The following CHN2 variants were observed in gnomAD, a reference collection of about 807,000 sequenced individuals.
CHN2 encodes the protein beta-chimaerin.
Under a neutral mutation model 56.3 loss-of-function variants are expected in CHN2, and 35 were observed. The observed-to-expected ratio is 0.62, with a 90% confidence interval of 0.47 to 0.82. The LOEUF is 0.82. CHN2 is among the 40% of genes least tolerant of loss of function. The probability of loss-of-function intolerance (pLI) is 0.00; values close to 1 mark genes in which losing one functional copy is unlikely to be tolerated. For missense variants in CHN2, 491 were observed against 580.5 expected, an observed-to-expected ratio of 0.85 and a Z score of 1.58; for synonymous variants, 210 against 212.8, an observed-to-expected ratio of 0.99 and a Z score of 0.12.
intron 1 of CHN2, among the ~76,000 whole-genome samples, chr7:29,316,205 TAAAAAC>T (rs1794944003): frequency 6.6e-6 from 1 of 152,222 alleles, no homozygotes; most frequent in South Asian, 2.1e-4. Flanking sequence ...GTTCAGCACA[TAAAAAC>T]AAATTCCCAT....
At chr7:29,311,564 A>G (rs912836153) in intron 1 of CHN2, among the ~76,000 whole-genome samples, 1 of 152,228 alleles carries the variant, frequency 6.6e-6, no homozygotes, top group South Asian at 2.1e-4. Flanking sequence ...GATAGGGACT[A>G]ATAAGATTCA....
intron 1 of CHN2, among the ~76,000 whole-genome samples, chr7:29,249,409 C>T (rs1046328470): frequency 6.6e-5 from 10 of 152,210 alleles, no homozygotes; most frequent in African/African-American, 2.4e-4. Flanking sequence ...TTGTTCTTTC[C>T]AGACCCCCAG....
chr7:29,488,566 G>T (rs533164693), intron 7 of CHN2, among the ~76,000 whole-genome samples: 1 of 152,256 alleles, frequency 6.6e-6, no homozygotes, highest in African/African-American at 2.4e-5. Flanking sequence ...CTGACCCGAA[G>T]ATTCCTTTTC....
intron 6 of CHN2, among the ~76,000 whole-genome samples, chr7:29,462,005 C>T (rs1785205350): frequency 6.6e-6 from 1 of 152,112 alleles, no homozygotes; most frequent in Admixed American, 6.5e-5. Context: ...TATAAATTCC[C>T]ATTCATTTAA....
intron 6 of CHN2, among the ~76,000 whole-genome samples, chr7:29,401,864 C>G (rs1174669264): frequency 1.3e-5 from 2 of 152,078 alleles, no homozygotes; most frequent in East Asian, 3.9e-4. Flanking sequence ...GGGATGTGCC[C>G]CTTGAGGGAC....
At chr7:29,345,635 C>A (rs1797375393) in intron 1 of CHN2, among the ~76,000 whole-genome samples, 1 of 152,076 alleles carries the variant, frequency 6.6e-6, no homozygotes, top group African/African-American at 2.4e-5. Context: ...GACCGGGGGC[C>A]AGATCGTGCA....
chr7:29,283,969 C>G (rs1791941215), intron 1 of CHN2, among the ~76,000 whole-genome samples: 1 of 122,818 alleles, frequency 8.1e-6, no homozygotes, highest in African/African-American at 3.2e-5. Flanking sequence ...CAGTCTCACT[C>G]TGGAGTGGCT....
intron 3 of CHN2, among the ~76,000 whole-genome samples, chr7:29,386,419 G>A (rs950599308): frequency 2.6e-5 from 4 of 152,052 alleles, no homozygotes; most frequent in East Asian, 1.9e-4. Flanking sequence ...CTGCTAAGTC[G>A]GGTTTTTAAA....
chr7:29,413,408 T>C (rs990247910), intron 6 of CHN2, among the ~76,000 whole-genome samples: 2 of 152,242 alleles, frequency 1.3e-5, no homozygotes, highest in Non-Finnish European at 2.9e-5. Context: ...AAAGCAGTTA[T>C]ATTTTACCAC....
intron 1 of CHN2, among the ~76,000 whole-genome samples, chr7:29,332,299 C>T (rs776916759): frequency 6.6e-6 from 1 of 152,076 alleles, no homozygotes; most frequent in Non-Finnish European, 1.5e-5. Context: ...CTGTGGGGTT[C>T]TTGGGAGGCT....
At chr7:29,289,841 C>T (rs533822075) in intron 1 of CHN2, among the ~76,000 whole-genome samples, 3 of 152,318 alleles carry the variant, frequency 2.0e-5, no homozygotes, top group East Asian at 3.9e-4. Context: ...AAAAAGAGAA[C>T]TGAAGCTTTC....
At chr7:29,301,167 A>C (rs1198655231) in intron 1 of CHN2, among the ~76,000 whole-genome samples, 1 of 152,198 alleles carries the variant, frequency 6.6e-6, no homozygotes. Flanking sequence ...GTGATAAGAA[A>C]AGCTTTTATA....
intron 1 of CHN2, among the ~76,000 whole-genome samples, chr7:29,236,011 T>G (rs900584282): frequency 6.6e-6 from 1 of 152,196 alleles, no homozygotes; most frequent in Non-Finnish European, 1.5e-5. Flanking sequence ...GGAACAAACC[T>G]GTGCATGTAT....
At chr7:29,446,745 AC>A (rs1446265311) in intron 6 of CHN2, among the ~76,000 whole-genome samples, 1 of 152,228 alleles carries the variant, frequency 6.6e-6, no homozygotes, top group East Asian at 1.9e-4. Context: ...CATGCATGTA[AC>A]AAAACTAGCG....
intron 2 of CHN2, among the ~76,000 whole-genome samples, chr7:29,147,860 C>T (rs942665434): frequency 6.6e-6 from 1 of 152,164 alleles, no homozygotes; most frequent in African/African-American, 2.4e-5. Flanking sequence ...ACCTTCCTAC[C>T]TAGACAAATA....
chr7:29,444,367 C>T (rs1266993166), intron 6 of CHN2, among the ~76,000 whole-genome samples: 1 of 152,200 alleles, frequency 6.6e-6, no homozygotes, highest in Non-Finnish European at 1.5e-5. Flanking sequence ...TTGGCCAGGG[C>T]TTTCAGAGAT....
intron 1 of CHN2, among the ~76,000 whole-genome samples, chr7:29,235,753 G>A (rs886406621): frequency 5.9e-5 from 9 of 152,170 alleles, no homozygotes; most frequent in Non-Finnish European, 7.3e-5. Flanking sequence ...GGATGGAGCC[G>A]GAGGCCATTA....
chr7:29,199,618 G>A (rs1195862368), intron 1 of CHN2: 1 of 152,202 alleles, frequency 6.6e-6, no homozygotes, highest in Non-Finnish European at 1.5e-5. Flanking sequence ...CAGATGAGGA[G>A]TACTAGTCCT....
intron 1 of CHN2, among the ~76,000 whole-genome samples, chr7:29,268,749 A>G (rs1790369302): frequency 1.3e-5 from 2 of 152,196 alleles, no homozygotes; most frequent in African/African-American, 4.8e-5. Flanking sequence ...CCCAACACCC[A>G]TCCTCAGCAG....
Sources: gnomAD v4.1 joint callset for allele counts (sites outside exome capture counted in the v4.1 genomes callset) on GRCh38, gnomAD v4.1.1 for gene constraint, MANE v1.5 for transcripts, NCBI Gene and HGNC (gene_info 2026-07-23, HGNC 2026-07-21) for gene names.